The following ADGRB3 variants were observed in gnomAD, a reference collection of about 807,000 sequenced individuals.
ADGRB3 encodes the protein adhesion G protein-coupled receptor B3.
Under a neutral mutation model 193.4 loss-of-function variants are expected in ADGRB3, and 37 were observed. The observed-to-expected ratio is 0.19, with a 90% CI of 0.15 to 0.25. The LOEUF (loss-of-function observed/expected upper bound fraction) is 0.25. Ranked by LOEUF, ADGRB3 falls within the 10% of genes least tolerant of loss-of-function variation. The pLI is 1.00. For synonymous variants in ADGRB3, 690 were observed against 644.2 expected, an observed-to-expected ratio of 1.07 and a Z score of -1.08; for missense variants, 1,637 against 1,852.9, an observed-to-expected ratio of 0.88 and a Z score of 2.14.
chr6:68,901,224 GACTCAGCTGATGTTA>G (rs1766384894), intron 3 of ADGRB3, among the ~76,000 whole-genome samples: 7 of 151,922 alleles, frequency 4.6e-5, no homozygotes, highest in Admixed American at 3.9e-4. Context: ...CTTATCTCAA[GACTCAGCTGATGTTA>G]GTGGGTGGAG....
At chr6:69,285,419 A>G (rs908594904) in intron 20 of ADGRB3, among the ~76,000 whole-genome samples, 5 of 152,064 alleles carry the variant, frequency 3.3e-5, no homozygotes, top group African/African-American at 7.2e-5. Flanking sequence ...GTGGGATTAC[A>G]TCTGTAATCC....
At position 69,154,870 on chromosome 6, in the gene ADGRB3, C is replaced by G. The variant is rs1464854354; in HGVS notation, c.2481-78420C>G. Reference sequence around the variant, plus strand: ...TTCATTGATTTATTCATTCAAGCAACAGTTTTTAATTTCACATTGTTTACC... The same window carrying G: ...TTCATTGATTTATTCATTCAAGCAAGAGTTTTTAATTTCACATTGTTTACC... On this transcript the variant is annotated intron_variant, in intron 17 of 31. Transcript: ENST00000370598. Among the ~76,000 whole-genome samples the G allele has an allele frequency of 3.9e-5, 6 of 152,178 alleles. No individual in the cohort carries two copies. The East Asian group carries it at 1.2e-3, about 29-fold the overall frequency.
At chr6:68,669,123 G>A (rs1768876095) in intron 3 of ADGRB3, among the ~76,000 whole-genome samples, 1 of 151,838 alleles carries the variant, frequency 6.6e-6, no homozygotes, top group Non-Finnish European at 1.5e-5. Context: ...TGGGATTTAT[G>A]GAATACATGA....
intron 3 of ADGRB3, among the ~76,000 whole-genome samples, chr6:68,783,725 T>C (rs1446420517): frequency 6.6e-6 from 1 of 151,928 alleles, no homozygotes; most frequent in Non-Finnish European, 1.5e-5. Context: ...AATGGGAAGC[T>C]GTTGATGATG....
At chr6:69,172,660 A>G (rs1034486063) in intron 17 of ADGRB3, among the ~76,000 whole-genome samples, 3 of 147,360 alleles carry the variant, frequency 2.0e-5, no homozygotes, top group Non-Finnish European at 3.0e-5. Flanking sequence ...AAAAAAAAAA[A>G]AAAAAAAAAA....
chr6:69,238,326 A>G (rs1406095433), intron 19 of ADGRB3, among the ~76,000 whole-genome samples: 1 of 152,106 alleles, frequency 6.6e-6, no homozygotes, highest in Admixed American at 6.6e-5. Flanking sequence ...GAAGCAAAAT[A>G]GCTGTTACTC....
chr6:69,378,011 CT>C (rs1429426717), intron 30 of ADGRB3, among the ~76,000 whole-genome samples: 1 of 152,060 alleles, frequency 6.6e-6, no homozygotes, highest in Admixed American at 6.6e-5. Flanking sequence ...TGGCAGTCGC[CT>C]TCCCTGGCCT....
chr6:69,367,919 C>T (rs546938061), intron 29 of ADGRB3, among the ~76,000 whole-genome samples: 1 of 145,700 alleles, frequency 6.9e-6, no homozygotes, highest in African/African-American at 2.6e-5. Flanking sequence ...ACCGCATATT[C>T]TCACTCATAG....
intron 17 of ADGRB3, among the ~76,000 whole-genome samples, chr6:69,125,398 C>G (rs921016786): frequency 4.6e-5 from 7 of 152,132 alleles, no homozygotes; most frequent in Non-Finnish European, 1.5e-5. Flanking sequence ...TCTCACCCCT[C>G]AAGCTGAGAG....
At chr6:68,860,588 A>T (rs1029160065) in intron 3 of ADGRB3, among the ~76,000 whole-genome samples, 1 of 152,242 alleles carries the variant, frequency 6.6e-6, no homozygotes, top group Non-Finnish European at 1.5e-5. Context: ...ATGGCTACAT[A>T]GTATTCCATG....
chr6:68,705,623 C>T (rs1042975692), intron 3 of ADGRB3, among the ~76,000 whole-genome samples: 6 of 152,066 alleles, frequency 3.9e-5, no homozygotes, highest in African/African-American at 7.2e-5. Flanking sequence ...GAGAGTTTAA[C>T]GAAAGGGTTA....
chr6:68,636,927 G>T lies in ADGRB3; in HGVS notation c.-187-464G>T, dbSNP rs966538795. 6.6e-4 allele frequency among the ~76,000 whole-genome samples: 92 copies of T among 140,168 alleles called. 1 individual carries two copies. Among genetic ancestry groups the T allele is most frequent in the African/African-American group, 2.4e-3 (87 of 37,016 alleles). The allele number at this position is 140,168 out of a possible 152,430, so 92.0% of individuals were successfully genotyped here. ...TACACTCTATCCTGAAGAACACTGC[G>T]CAGACCTGCATTGCCTGCAAAGTGC... On this transcript the variant is annotated intron_variant, in intron 1 of 31. Transcript: ENST00000370598.
chr6:69,297,367 T>TC (rs55790236), intron 20 of ADGRB3, among the ~76,000 whole-genome samples: 6,542 of 123,566 alleles, frequency 0.053, 251 homozygotes, highest in African/African-American at 0.15. Context: ...TCTCTCTCTC[T>TC]TTCTCTCTCT....
chr6:68,866,336 C>T (rs1055697676), intron 3 of ADGRB3, among the ~76,000 whole-genome samples: 48 of 152,186 alleles, frequency 3.2e-4, no homozygotes, highest in African/African-American at 1.1e-3. Flanking sequence ...CTTTCTTTCT[C>T]CTGCTGCCAT....
intron 17 of ADGRB3, among the ~76,000 whole-genome samples, chr6:69,146,314 G>T (rs72921210): frequency 0.14 from 21,682 of 152,226 alleles, 2,071 homozygotes; most frequent in Non-Finnish European, 0.2. Context: ...CTTCAACTTT[G>T]CTCAAAGATC....
chr6:68,727,212 G>A (rs1430159960), intron 3 of ADGRB3, among the ~76,000 whole-genome samples: 1 of 151,538 alleles, frequency 6.6e-6, no homozygotes. Flanking sequence ...GATTTATTCT[G>A]TTGAAATTGT....
At chr6:69,355,157 C>T (rs1769312408) in intron 27 of ADGRB3, among the ~76,000 whole-genome samples, 1 of 151,844 alleles carries the variant, frequency 6.6e-6, no homozygotes, top group Non-Finnish European at 1.5e-5. Context: ...ATTGGAAGAC[C>T]CTGATCAAGA....
At chr6:69,143,978 G>T (rs541918252) in intron 17 of ADGRB3, among the ~76,000 whole-genome samples, 1 of 152,192 alleles carries the variant, frequency 6.6e-6, no homozygotes, top group Admixed American at 6.5e-5. Flanking sequence ...GGGTAACATG[G>T]ATATTTTAAC....
At chr6:69,297,348 C>CTCTT (rs1767844462) in intron 20 of ADGRB3, among the ~76,000 whole-genome samples, 1 of 119,256 alleles carries the variant, frequency 8.4e-6, no homozygotes, top group Admixed American at 8.6e-5. Context: ...ATATCTCTCT[C>CTCTT]TCTCTCTCTC....
Sources: gnomAD v4.1 joint callset for allele counts (sites outside exome capture counted in the v4.1 genomes callset) on GRCh38, gnomAD v4.1.1 for gene constraint, MANE v1.5 for transcripts, NCBI Gene and HGNC (gene_info 2026-07-23, HGNC 2026-07-21) for gene names.